The following AGBL4 variants were observed in gnomAD, a reference collection of about 807,000 sequenced individuals.
AGBL4 encodes cytosolic carboxypeptidase 6.
Under a neutral mutation model 66.4 loss-of-function variants are expected in AGBL4, and 58 were observed. The observed-to-expected ratio is 0.87, with a 90% CI of 0.71 to 1.09. The LOEUF (loss-of-function observed/expected upper bound fraction) is 1.09, where lower values mean the gene tolerates loss of function less well. AGBL4 is among the 50% of genes least tolerant of loss of function. The pLI, the probability that AGBL4 is intolerant of heterozygous loss-of-function variation, is 0.00. For missense variants in AGBL4, 579 were observed against 631.0 expected, an observed-to-expected ratio of 0.92 and a Z score of 0.88; for synonymous variants, 234 against 222.9, an observed-to-expected ratio of 1.05 and a Z score of -0.44.
intron 3 of AGBL4, among the ~76,000 whole-genome samples, chr1:49,350,187 G>GTTTTTTTTTT (rs565127283): frequency 7.0e-6 from 1 of 142,574 alleles, no homozygotes; most frequent in African/African-American, 2.6e-5. Flanking sequence ...ATGAATATTT[G>GTTTTTTTTTT]TTTTTTTTTT....
chr1:49,268,038 T>A (rs1487279382), intron 3 of AGBL4: 1 of 152,152 alleles, frequency 6.6e-6, no homozygotes. Context: ...TTAAATAAAA[T>A]CTGATTTATT....
chr1:49,984,419 G>C (rs1659334853), intron 1 of AGBL4, among the ~76,000 whole-genome samples: 1 of 152,156 alleles, frequency 6.6e-6, no homozygotes, highest in African/African-American at 2.4e-5. Context: ...TAAATGTTAA[G>C]TCTCTACCCA....
chr1:48,523,436 AT>A, the AGBL4 span, among the ~76,000 whole-genome samples: 2 of 152,214 alleles, frequency 1.3e-5, no homozygotes, highest in Non-Finnish European at 2.9e-5. Flanking sequence ...AACAGCAATA[AT>A]GCTTAATTCC....
intron 6 of AGBL4, among the ~76,000 whole-genome samples, chr1:48,748,751 T>G (rs1159358393): frequency 6.6e-6 from 1 of 152,124 alleles, no homozygotes; most frequent in African/African-American, 2.4e-5. Context: ...CCTAGAAGGC[T>G]TCAGGAAAGT....
chr1:48,535,340 A>G (rs1255805490), intron 12 of AGBL4, among the ~76,000 whole-genome samples: 4 of 152,102 alleles, frequency 2.6e-5, no homozygotes, highest in African/African-American at 9.7e-5. Context: ...AACTCCCACA[A>G]AATAAGCCTC....
intron 2 of AGBL4, among the ~76,000 whole-genome samples, chr1:49,713,337 G>T (rs530821826): frequency 6.6e-6 from 1 of 151,932 alleles, no homozygotes; most frequent in Non-Finnish European, 1.5e-5. Context: ...GTTTATTTTT[G>T]CTATTAATTT....
At chr1:49,927,839 A>G (rs1335552712) in intron 1 of AGBL4, among the ~76,000 whole-genome samples, 1 of 152,246 alleles carries the variant, frequency 6.6e-6, no homozygotes, top group African/African-American at 2.4e-5. Flanking sequence ...TGTAGCATGC[A>G]ATAGTCAGAA....
intron 5 of AGBL4, among the ~76,000 whole-genome samples, chr1:48,870,691 C>G (rs1179520462): frequency 6.6e-6 from 1 of 152,156 alleles, no homozygotes; most frequent in African/African-American, 2.4e-5. Flanking sequence ...ACTATCTCTC[C>G]CCACTCCTAC....
At chr1:49,387,220 C>T (rs1231664732) in intron 3 of AGBL4, among the ~76,000 whole-genome samples, 1 of 151,824 alleles carries the variant, frequency 6.6e-6, no homozygotes, top group East Asian at 1.9e-4. Context: ...CCTTTCACCT[C>T]TAAATTCTAC....
chr1:49,096,057 A>T (rs1178103750), intron 4 of AGBL4, among the ~76,000 whole-genome samples: 19 of 152,332 alleles, frequency 1.2e-4, no homozygotes, highest in Non-Finnish European at 1.6e-4. Context: ...TCAAAAGAAG[A>T]CATTTATGCA....
intron 3 of AGBL4, among the ~76,000 whole-genome samples, chr1:49,457,270 C>A (rs556594285): frequency 3.9e-5 from 6 of 151,906 alleles, no homozygotes; most frequent in African/African-American, 1.4e-4. Flanking sequence ...GCCATTCTTG[C>A]AGGAGTGAGA....
At chr1:49,006,752 C>T (rs1418874997) in intron 5 of AGBL4, among the ~76,000 whole-genome samples, 1 of 151,890 alleles carries the variant, frequency 6.6e-6, no homozygotes, top group African/African-American at 2.4e-5. Flanking sequence ...GGGAGGCACC[C>T]CCCAGCAGGG....
At chr1:49,880,865 C>T (rs1049076325) in intron 1 of AGBL4, among the ~76,000 whole-genome samples, 6 of 151,978 alleles carry the variant, frequency 3.9e-5, no homozygotes, top group East Asian at 2.0e-4. Context: ...TCTCGTGGTG[C>T]GCCGTTTTTT....
intron 3 of AGBL4, among the ~76,000 whole-genome samples, chr1:49,597,737 C>T (rs563617577): frequency 6.6e-6 from 1 of 152,288 alleles, no homozygotes; most frequent in South Asian, 2.1e-4. Context: ...TCCTTCACAT[C>T]CCTTGTAGGT....
At chr1:49,676,829 G>A (rs952783785) in intron 3 of AGBL4, among the ~76,000 whole-genome samples, 3 of 151,974 alleles carry the variant, frequency 2.0e-5, no homozygotes, top group African/African-American at 7.2e-5. Context: ...TTTAAGTCAG[G>A]CCTGGCTAAC....
chr1:48,837,711 C>CTATATATATATATA (rs58650623), intron 6 of AGBL4, among the ~76,000 whole-genome samples: 2,753 of 81,610 alleles, frequency 0.034, 100 homozygotes, highest in East Asian at 0.071. Flanking sequence ...CACACACACA[C>CTATATATATATATA]TATATATATA....
chr1:48,834,121 T>C (rs545044134), intron 6 of AGBL4, among the ~76,000 whole-genome samples: 2 of 152,216 alleles, frequency 1.3e-5, no homozygotes, highest in Non-Finnish European at 2.9e-5. Flanking sequence ...CTTTTTGGAA[T>C]AGGAATGTCA....
chr1:49,317,561 G>A lies in AGBL4; in HGVS notation c.283-71697C>T, dbSNP rs952639893. The stretch of plus-strand genomic sequence containing the variant: ...CAGGACTAAGAGGAGGTAGGAAATA[G>A]GCTTAGAGATCCCCATAATTATACA... On this transcript the variant is annotated intron_variant, in intron 3 of 13. Transcript: ENST00000371839. 4.6e-5 allele frequency among the ~76,000 whole-genome samples: 7 copies of A among 151,894 alleles called. 1 individual carries two copies. Among genetic ancestry groups the A allele is most frequent in the South Asian group, 4.1e-4 (2 of 4,826 alleles).
At chr1:49,890,575 A>C (rs1238847277) in intron 1 of AGBL4, among the ~76,000 whole-genome samples, 1 of 152,210 alleles carries the variant, frequency 6.6e-6, no homozygotes, top group African/African-American at 2.4e-5. Context: ...ATATAATTCC[A>C]CCAAATCCCA....
Sources: allele counts gnomAD v4.1 joint callset (sites outside exome capture counted in the v4.1 genomes callset), GRCh38; gene constraint gnomAD v4.1.1; transcripts MANE v1.5; gene names NCBI Gene and HGNC (gene_info 2026-07-23, HGNC 2026-07-21).